RORA: variants seen among roughly 807,000 people sequenced by gnomAD.
RORA encodes the protein RAR related orphan receptor A, also known as nuclear receptor ROR-alpha.
A neutral mutation model predicts 69.5 loss-of-function variants in RORA; 7 were observed. The ratio of observed to expected loss-of-function variants is 0.10; its 90% CI spans 0.06 to 0.19. The LOEUF (loss-of-function observed/expected upper bound fraction) is 0.19, where lower values mean the gene tolerates loss of function less well. RORA is among the 10% of genes least tolerant of loss of function. The pLI, the probability that RORA is intolerant of heterozygous loss-of-function variation, is 1.00. For missense variants in RORA, 457 were observed against 663.0 expected (o/e 0.69, Z 3.41); for synonymous variants, 261 against 240.8 (o/e 1.08, Z -0.78).
chr15:60,778,237 T>G (rs2072202942), intron 1 of RORA, among the ~76,000 whole-genome samples: 1 of 152,052 alleles, frequency 6.6e-6, no homozygotes, highest in Non-Finnish European at 1.5e-5. Context: ...GTTTGTTTGT[T>G]TGTTTGTTTG....
rs191610940 is a variant in RORA, at chr15:61,188,585, C to A, written c.166+40468G>T. On this transcript the variant is annotated intron_variant, in intron 1 of 10. Transcript: ENST00000335670. ...CCATATGGGCCACCTGTTTTAAGAG[C>A]ACCTACCTCACATTGTCTGAGTAAC... Among the ~76,000 whole-genome samples, 578 of 152,238 alleles carry A rather than the reference C, an allele frequency of 3.8e-3. 2 individuals are homozygous for A. The highest frequency in any genetic ancestry group is 0.013 in the African/African-American group (557 of 41,532).
At chr15:60,828,405 TGAG>T (rs1420199688) in intron 1 of RORA, among the ~76,000 whole-genome samples, 2 of 152,032 alleles carry the variant, frequency 1.3e-5, no homozygotes, top group Non-Finnish European at 2.9e-5. Context: ...AGAGAATCTA[TGAG>T]GAGGACAAGG....
chr15:60,584,830 G>C (rs1226003812), intron 2 of RORA, among the ~76,000 whole-genome samples: 1 of 152,134 alleles, frequency 6.6e-6, no homozygotes. Flanking sequence ...ACTTCTGGGT[G>C]GCGCAGTTTG....
Position 61,226,390 on chromosome 15 carries a change from A to T in RORA, c.166+2663T>A, listed in dbSNP as rs575784113. Among the ~76,000 whole-genome samples the T allele has an allele frequency of 6.6e-6, 1 of 152,208 alleles. No individual in the cohort carries two copies. Among genetic ancestry groups the T allele is most frequent in the Non-Finnish European group, 1.5e-5 (1 of 68,038 alleles). The stretch of plus-strand genomic sequence containing the variant: ...ATGTTTTAAGTATTTAAAAGGCATA[A>T]TCACCTAGTGTGTAGGTTAATTTCT... On this transcript the variant is annotated intron_variant, in intron 1 of 10. Transcript: ENST00000335670. The surrounding 1 kb of genome is among the most constrained non-coding windows in gnomAD (Gnocchi z 4.2).
At chr15:60,943,650 T>C (rs1332514579) in intron 1 of RORA, among the ~76,000 whole-genome samples, 1 of 151,876 alleles carries the variant, frequency 6.6e-6, no homozygotes, top group African/African-American at 2.4e-5. Context: ...GCATGGTGGC[T>C]CATGCCTGTA....
At chr15:60,873,057 T>C (rs1159760685) in intron 1 of RORA, among the ~76,000 whole-genome samples, 1 of 152,194 alleles carries the variant, frequency 6.6e-6, no homozygotes, top group Non-Finnish European at 1.5e-5. Flanking sequence ...GTGCCGAGTC[T>C]ATAAAGATTC....
intron 1 of RORA, among the ~76,000 whole-genome samples, chr15:60,861,081 C>T (rs528631151): frequency 1.6e-4 from 24 of 152,268 alleles, no homozygotes; most frequent in African/African-American, 5.8e-4. Context: ...CTGAAAACGA[C>T]CTTTTGGCTG....
intron 1 of RORA, among the ~76,000 whole-genome samples, chr15:60,879,052 T>C (rs1242960030): frequency 6.6e-6 from 1 of 152,226 alleles, no homozygotes; most frequent in African/African-American, 2.4e-5. Flanking sequence ...TTCTAAAATC[T>C]GGCTGGCCTT....
intron 2 of RORA, among the ~76,000 whole-genome samples, chr15:60,561,110 C>A (rs1011483535): frequency 7.0e-5 from 9 of 128,830 alleles, no homozygotes; most frequent in African/African-American, 2.5e-4. Flanking sequence ...GAGACGGAGT[C>A]TCGCTCTGTC....
At chr15:60,928,964 A>C (rs557651253) in intron 1 of RORA, among the ~76,000 whole-genome samples, 14 of 151,526 alleles carry the variant, frequency 9.2e-5, no homozygotes, top group Non-Finnish European at 2.1e-4. Flanking sequence ...TTCTTTTTTT[A>C]ATCTTGAATT....
At chr15:60,848,101 G>C (rs961858840) in intron 1 of RORA, 4 of 152,286 alleles carry the variant, frequency 2.6e-5, no homozygotes, top group Admixed American at 2.6e-4. Context: ...GAATCTGCAG[G>C]CTTCTGCCAG....
chr15:61,038,282 T>C (rs1896564135), intron 1 of RORA, among the ~76,000 whole-genome samples: 1 of 152,172 alleles, frequency 6.6e-6, no homozygotes, highest in Admixed American at 6.5e-5. Context: ...TGAGAGTTTT[T>C]TTCTTCTTAT....
intron 1 of RORA, among the ~76,000 whole-genome samples, chr15:61,013,807 G>T: frequency 7.3e-6 from 1 of 136,428 alleles, no homozygotes. Flanking sequence ...TTTTTTGGAG[G>T]GTGTCTCGCT....
intron 1 of RORA, among the ~76,000 whole-genome samples, chr15:61,182,464 C>G (rs189128071): frequency 6.6e-6 from 1 of 152,336 alleles, no homozygotes; most frequent in Non-Finnish European, 1.5e-5. Context: ...ACACCTGCTA[C>G]CATCACCCTG....
chr15:60,619,280 A>G (rs72748757), intron 2 of RORA, among the ~76,000 whole-genome samples: 29,293 of 152,208 alleles, frequency 0.19, 2,850 homozygotes, highest in Middle Eastern at 0.28. Flanking sequence ...CTTTCTTTGG[A>G]GACAAAGACA....
chr15:60,922,893 G>A (rs937396567), intron 1 of RORA, among the ~76,000 whole-genome samples: 4 of 152,198 alleles, frequency 2.6e-5, no homozygotes, highest in Non-Finnish European at 5.9e-5. Flanking sequence ...AATACAAATG[G>A]CAGAGCAGAT....
intron 1 of RORA, among the ~76,000 whole-genome samples, chr15:60,899,680 C>T (rs956204370): frequency 6.6e-6 from 1 of 152,194 alleles, no homozygotes; most frequent in Non-Finnish European, 1.5e-5. Context: ...CAAGTAGCAA[C>T]CTACTTTCCA....
chr15:61,057,496 T>C (rs1435311768), intron 1 of RORA, among the ~76,000 whole-genome samples: 1 of 152,194 alleles, frequency 6.6e-6, no homozygotes, highest in African/African-American at 2.4e-5. Context: ...ATTTTTAAAC[T>C]GAAAGCACAT....
rs58823225 is a variant in RORA at position 61,078,787 on chromosome 15, C to CTATT, written c.166+150265_166+150266insAATA. On this transcript the variant is annotated intron_variant, in intron 1 of 10. Transcript: ENST00000335670. Reference sequence around the variant, plus strand: ...TATGGCTATCTATCTATCTATCTATCCATCCACCCACCCACCCACCTACCT... The same window carrying CTATT: ...TATGGCTATCTATCTATCTATCTATCTATTCATCCACCCACCCACCCACCTACCT... 4.0e-5 allele frequency among the ~76,000 whole-genome samples: 6 copies of CTATT among 151,694 alleles called. No homozygotes were observed. In the South Asian group the frequency reaches 1.0e-3, roughly 27 times the overall value.
Sources: gnomAD v4.1 joint callset for allele counts (sites outside exome capture counted in the v4.1 genomes callset) on GRCh38, gnomAD v4.1.1 for gene constraint, Gnocchi (gnomAD v3.1) non-coding constraint, MANE v1.5 for transcripts, NCBI Gene and HGNC (gene_info 2026-07-23, HGNC 2026-07-21) for gene names.